The following SHB variants were observed in gnomAD, a reference collection of about 807,000 sequenced individuals.
The protein encoded by SHB is SH2 domain containing adaptor protein B.
A neutral mutation model predicts 52.3 loss-of-function variants in SHB; 20 were observed. The ratio of observed to expected loss-of-function variants is 0.38; its 90% CI spans 0.27 to 0.56. The LOEUF is 0.56. SHB is among the 20% of genes least tolerant of loss of function. The pLI is 0.71. For synonymous variants in SHB, 397 were observed against 316.5 expected (o/e 1.25, Z -2.70); for missense variants, 825 against 723.3 (o/e 1.14, Z -1.61).
At chr9:37,958,369 C>T (rs1832658989) in intron 3 of SHB, among the ~76,000 whole-genome samples, 1 of 152,164 alleles carries the variant, frequency 6.6e-6, no homozygotes, top group African/African-American at 2.4e-5. Flanking sequence ...TACTGGTGAC[C>T]ACAGGCTGTT....
intron 5 of SHB, among the ~76,000 whole-genome samples, chr9:37,941,560 G>T (rs1200736519): frequency 2.6e-5 from 4 of 152,222 alleles, no homozygotes; most frequent in African/African-American, 9.7e-5. Flanking sequence ...TGCAACCACT[G>T]CTGAGCAGTG....
chr9:37,963,456 T>G (rs987040520), intron 3 of SHB, among the ~76,000 whole-genome samples: 1 of 152,198 alleles, frequency 6.6e-6, no homozygotes, highest in Admixed American at 6.5e-5. Flanking sequence ...TGGGCCACAT[T>G]TGTAAACCAT....
chr9:37,947,733 T>G (rs995696610), intron 5 of SHB, among the ~76,000 whole-genome samples: 3 of 152,196 alleles, frequency 2.0e-5, no homozygotes, highest in African/African-American at 7.2e-5. Flanking sequence ...TGAGCTCTCC[T>G]GACAACCGTG....
intron 1 of SHB, among the ~76,000 whole-genome samples, chr9:38,046,337 T>C (rs993276852): frequency 3.4e-4 from 52 of 152,214 alleles, no homozygotes; most frequent in African/African-American, 1.3e-3. Flanking sequence ...AGAAACCGTG[T>C]TGCTGCAAAG....
At chr9:38,037,273 G>A (rs973570606) in intron 1 of SHB, among the ~76,000 whole-genome samples, 14 of 152,158 alleles carry the variant, frequency 9.2e-5, no homozygotes, top group Non-Finnish European at 1.3e-4. Context: ...GGAGTACTCC[G>A]TGTCATTTGG....
intron 3 of SHB, among the ~76,000 whole-genome samples, chr9:37,962,078 A>T (rs1421924604): frequency 6.6e-6 from 1 of 152,180 alleles, no homozygotes; most frequent in African/African-American, 2.4e-5. Context: ...CATGTTTCTT[A>T]AACTTCTTTG....
intron 1 of SHB, among the ~76,000 whole-genome samples, chr9:38,056,262 G>A (rs558263432): frequency 7.9e-4 from 120 of 152,084 alleles, no homozygotes; most frequent in African/African-American, 2.7e-3. Context: ...CAAACTCTAG[G>A]GGGATGGAAA....
At chr9:37,993,382 A>AG in intron 2 of SHB, among the ~76,000 whole-genome samples, 1 of 152,358 alleles carries the variant, frequency 6.6e-6, no homozygotes, top group Middle Eastern at 3.4e-3. Context: ...TCAGTTAGGC[A>AG]GGGAAGCCAA....
chr9:37,955,572 G>A (rs1483509991), intron 4 of SHB, among the ~76,000 whole-genome samples: 1 of 152,146 alleles, frequency 6.6e-6, no homozygotes, highest in African/African-American at 2.4e-5. Flanking sequence ...CAACCTCCTG[G>A]CCTCAATTCA....
intron 5 of SHB, among the ~76,000 whole-genome samples, chr9:37,920,363 A>G (rs1447532832): frequency 2.0e-5 from 3 of 152,174 alleles, no homozygotes; most frequent in Non-Finnish European, 2.9e-5. Context: ...TTACCAGTGC[A>G]TATCCCTGTT....
intron 2 of SHB, among the ~76,000 whole-genome samples, chr9:38,014,920 C>T (rs1342585664): frequency 6.6e-6 from 1 of 152,208 alleles, no homozygotes; most frequent in African/African-American, 2.4e-5. Context: ...CCTTCTTTCT[C>T]CTAATTCAAG....
intron 1 of SHB, among the ~76,000 whole-genome samples, chr9:38,055,688 C>T (rs1007356915): frequency 2.0e-5 from 3 of 152,162 alleles, no homozygotes; most frequent in African/African-American, 7.2e-5. Context: ...TCAGCTAGAG[C>T]ACCCAGGCTT....
rs569401158 is a variant in SHB, at chr9:37,999,876, T to G, written c.838+16135A>C. ...GGCTGTCGGAGGAGCTGCAATTCACTCCTGCAGCCTCCAGCTCATGACTCT... is the reference window on the plus strand; with the variant it reads ...GGCTGTCGGAGGAGCTGCAATTCACGCCTGCAGCCTCCAGCTCATGACTCT... On this transcript the variant is annotated intron_variant, in intron 2 of 5. Coordinates refer to ENST00000377707, the MANE Select transcript of SHB (RefSeq NM_003028.3). 1.4e-3 allele frequency among the ~76,000 whole-genome samples: 209 copies of G among 152,320 alleles called. 1 individual carries two copies. The highest frequency in any genetic ancestry group is 4.5e-3 in the African/African-American group (185 of 41,564).
At chr9:38,021,193 A>G (rs1176150208) in intron 1 of SHB, among the ~76,000 whole-genome samples, 1 of 152,084 alleles carries the variant, frequency 6.6e-6, no homozygotes, top group African/African-American at 2.4e-5. Flanking sequence ...CAAAAAAATT[A>G]GCTGGGCCTG....
At chr9:37,950,701 A>G (rs985505583) in intron 4 of SHB, among the ~76,000 whole-genome samples, 9 of 152,142 alleles carry the variant, frequency 5.9e-5, no homozygotes, top group Non-Finnish European at 1.3e-4. Flanking sequence ...GGCGGCTTCT[A>G]TTAAGCGAGG....
intron 5 of SHB, among the ~76,000 whole-genome samples, chr9:37,945,745 C>A (rs1035845094): frequency 6.6e-6 from 1 of 152,152 alleles, no homozygotes; most frequent in Non-Finnish European, 1.5e-5. Context: ...TCTCCCTCGA[C>A]GTCCTCCCCT....
chr9:37,946,655 C>G (rs547926096), intron 5 of SHB, among the ~76,000 whole-genome samples: 3 of 152,316 alleles, frequency 2.0e-5, no homozygotes, highest in East Asian at 3.9e-4. Flanking sequence ...GCTGGAGCAG[C>G]TGATGGGGCT....
At chr9:37,923,549 A>G (rs1054898480) in intron 5 of SHB, among the ~76,000 whole-genome samples, 23 of 152,196 alleles carry the variant, frequency 1.5e-4, no homozygotes, top group Non-Finnish European at 2.9e-5. Context: ...ATGCTGTGAC[A>G]ATACATTCTC....
intron 5 of SHB, among the ~76,000 whole-genome samples, chr9:37,929,294 C>T (rs577726185): frequency 2.1e-4 from 32 of 152,384 alleles, no homozygotes; most frequent in Non-Finnish European, 4.4e-4. Context: ...CACCTGGGTA[C>T]AAATCTGCAC....
Sources: allele counts gnomAD v4.1 joint callset (sites outside exome capture counted in the v4.1 genomes callset), GRCh38; gene constraint gnomAD v4.1.1; transcripts MANE v1.5; gene names NCBI Gene and HGNC (gene_info 2026-07-23, HGNC 2026-07-21).